TPST1: variants seen among roughly 807,000 people sequenced by gnomAD.
TPST1 encodes the protein protein-tyrosine sulfotransferase 1.
In TPST1, 20 loss-of-function variants were observed where a neutral mutation model predicts 34.8. That is an observed-to-expected ratio of 0.57 (90% CI 0.40 to 0.84). TPST1 has a LOEUF of 0.84. TPST1 is among the 40% of genes least tolerant of loss of function. The pLI, the probability that TPST1 is intolerant of heterozygous loss-of-function variation, is 0.00. For synonymous variants in TPST1, 152 were observed against 159.4 expected, an observed-to-expected ratio of 0.95 and a Z score of 0.35; for missense variants, 353 against 455.5, an observed-to-expected ratio of 0.78 and a Z score of 2.05.
intron 1 of TPST1, among the ~76,000 whole-genome samples, chr7:66,234,400 T>TACACACACACAG (rs561856939): frequency 1.5e-4 from 21 of 142,852 alleles, no homozygotes; most frequent in African/African-American, 4.9e-4. Context: ...AAAGCATGGC[T>TACACACACACAG]ACACACACAC....
chr7:66,230,214 C>T (rs1360862988), intron 1 of TPST1, among the ~76,000 whole-genome samples: 1 of 152,086 alleles, frequency 6.6e-6, no homozygotes, highest in Non-Finnish European at 1.5e-5. Flanking sequence ...ACTAGTCACT[C>T]TTCATCTTCC....
chr7:66,347,224 T>C (rs1792374905), intron 3 of TPST1, among the ~76,000 whole-genome samples: 1 of 151,848 alleles, frequency 6.6e-6, no homozygotes, highest in African/African-American at 2.4e-5. Context: ...TATGCCACCA[T>C]GCCTGGCTAA....
chr7:66,262,491 G>A (rs1186445446), intron 2 of TPST1, among the ~76,000 whole-genome samples: 6 of 152,132 alleles, frequency 3.9e-5, no homozygotes, highest in Non-Finnish European at 8.8e-5. Context: ...ATCTTGTGTA[G>A]CAGTCTCCTC....
intron 1 of TPST1, among the ~76,000 whole-genome samples, chr7:66,224,745 C>G (rs1584147741): frequency 6.6e-6 from 1 of 152,048 alleles, no homozygotes; most frequent in South Asian, 2.1e-4. Context: ...TGTCAGCACT[C>G]TCTTCTCTAA....
At chr7:66,272,257 A>G (rs1699821153) in intron 2 of TPST1, among the ~76,000 whole-genome samples, 1 of 152,220 alleles carries the variant, frequency 6.6e-6, no homozygotes, top group Admixed American at 6.5e-5. Flanking sequence ...GCACATTTAT[A>G]AGGATCATTC....
intron 1 of TPST1, among the ~76,000 whole-genome samples, chr7:66,231,655 G>A (rs920737347): frequency 1.7e-4 from 26 of 152,348 alleles, no homozygotes; most frequent in African/African-American, 5.3e-4. Flanking sequence ...CCAAGTCCAC[G>A]CCCACCCGGA....
At chr7:66,279,201 G>A (rs569318755) in intron 2 of TPST1, among the ~76,000 whole-genome samples, 73 of 152,152 alleles carry the variant, frequency 4.8e-4, no homozygotes, top group Non-Finnish European at 8.2e-4. Flanking sequence ...TTCTGTTCAT[G>A]TATTAATTCG....
intron 3 of TPST1, 87 bp from the exon 4 acceptor site, chr7:66,352,418 C>T (rs1470375507): frequency 1.9e-5 from 29 of 1,548,704 alleles, no homozygotes; most frequent in Non-Finnish European, 2.5e-5. Flanking sequence ...GAGCAGTAAA[C>T]CCGGCCACGG....
chr7:66,259,968 G>A lies in TPST1; in HGVS notation c.845+18698G>A, dbSNP rs1790454163. Among the ~76,000 whole-genome samples the A allele has an allele frequency of 2.6e-5, 4 of 152,060 alleles. No individual in the cohort carries two copies. In the South Asian group the frequency reaches 8.3e-4, roughly 32 times the overall value. ...CCACTGATTTTTTATTCTAGCCATA[G>A]TTTTGCCTTTTCCAGAATGTCATGG... On this transcript the variant is annotated intron_variant, in intron 2 of 5. Transcript: ENST00000304842.
chr7:66,316,259 C>G (rs1434314627), intron 3 of TPST1, among the ~76,000 whole-genome samples: 1 of 151,796 alleles, frequency 6.6e-6, no homozygotes, highest in Non-Finnish European at 1.5e-5. Context: ...TTTGTTACTC[C>G]TTTCTGACTT....
intron 2 of TPST1, among the ~76,000 whole-genome samples, chr7:66,243,380 T>C (rs1790076799): frequency 6.6e-6 from 1 of 152,142 alleles, no homozygotes; most frequent in African/African-American, 2.4e-5. Context: ...AAAGAAAATC[T>C]TACCCAGAAT....
At chr7:66,264,506 C>T (rs1200857949) in intron 2 of TPST1, among the ~76,000 whole-genome samples, 1 of 152,190 alleles carries the variant, frequency 6.6e-6, no homozygotes, top group African/African-American at 2.4e-5. Flanking sequence ...CAAAGACAGA[C>T]AGGTTTTTTG....
chr7:66,214,733 C>G (rs947855121), intron 1 of TPST1, among the ~76,000 whole-genome samples: 3 of 150,804 alleles, frequency 2.0e-5, no homozygotes, highest in African/African-American at 7.3e-5. Context: ...AGGAGGATCT[C>G]TTGAACCTGG....
Position 66,281,733 on chromosome 7 carries a change from A to G in TPST1, c.846-4778A>G, listed in dbSNP as rs550180461. ...TTTTTGCATATCTGTTCCATCCCCT[A>G]TGCTTTAATATGGAGGATTTGGTTT... On this transcript the variant is annotated intron_variant, in intron 2 of 5. Transcript: ENST00000304842. 4.1e-4 allele frequency among the ~76,000 whole-genome samples: 63 copies of G among 152,210 alleles called. No individual in the cohort carries two copies. In the Middle Eastern group the frequency reaches 0.014, roughly 33 times the overall value.
chr7:66,286,892 T>C (rs1177227510), intron 3 of TPST1, among the ~76,000 whole-genome samples, 183 bp downstream of exon 3: 1 of 145,722 alleles, frequency 6.9e-6, no homozygotes, highest in African/African-American at 2.5e-5. Context: ...TTAGGGTACA[T>C]GTGCACATTG....
At chr7:66,252,317 CA>C (rs1169814179) in intron 2 of TPST1, among the ~76,000 whole-genome samples, 24 of 148,284 alleles carry the variant, frequency 1.6e-4, no homozygotes, top group Non-Finnish European at 5.9e-5. Context: ...CTCGGCCTCC[CA>C]AAGTGCTGGG....
Position 66,206,740 on chromosome 7 carries a change from A to G in TPST1, c.-102+1218A>G, listed in dbSNP as rs927741588. Among the ~76,000 whole-genome samples the G allele has an allele frequency of 5.3e-5, 8 of 152,154 alleles. No individual in the cohort carries two copies. In the East Asian group the frequency reaches 5.8e-4, roughly 11 times the overall value. On this transcript the variant is annotated intron_variant, in intron 1 of 5. Transcript: ENST00000304842. ...CCTCCCAGCTAAAGTGGCATAGTAT[A>G]TAAGCAATGTGGTACGTGTTTATCT...
intron 2 of TPST1, among the ~76,000 whole-genome samples, chr7:66,275,842 G>A (rs1026215070): frequency 2.0e-5 from 3 of 152,100 alleles, no homozygotes; most frequent in Non-Finnish European, 4.4e-5. Context: ...TTCTATACTT[G>A]AAAATTGCTG....
At chr7:66,268,951 G>C (rs1019028062) in intron 2 of TPST1, among the ~76,000 whole-genome samples, 8 of 152,190 alleles carry the variant, frequency 5.3e-5, no homozygotes, top group African/African-American at 1.7e-4. Flanking sequence ...CCAAAGTGCT[G>C]AGGTTACAGG....
Sources: allele counts gnomAD v4.1 joint callset (sites outside exome capture counted in the v4.1 genomes callset), GRCh38; gene constraint gnomAD v4.1.1; transcripts MANE v1.5; gene names NCBI Gene and HGNC (gene_info 2026-07-23, HGNC 2026-07-21).